SNTG1: variants seen among roughly 807,000 people sequenced by gnomAD.
SNTG1 encodes the protein syntrophin gamma 1.
A neutral mutation model predicts 74.7 loss-of-function variants in SNTG1; 39 were observed. That is an observed-to-expected ratio of 0.52 (90% confidence interval 0.40 to 0.68). SNTG1 has a LOEUF of 0.68. SNTG1 is among the 30% of genes least tolerant of loss of function. The probability of loss-of-function intolerance (pLI) is 0.00; values close to 1 mark genes in which losing one functional copy is unlikely to be tolerated. For missense variants in SNTG1, 685 were observed against 609.5 expected (o/e 1.12, Z -1.30); for synonymous variants, 254 against 217.1 (o/e 1.17, Z -1.49).
chr8:50,263,268 G>A lies in SNTG1; in HGVS notation c.-28+90633G>A, dbSNP rs151059619. On this transcript the variant is annotated intron_variant, in intron 2 of 18. Transcript: ENST00000642720. Reference sequence around the variant, plus strand: ...AACCTAAAATTACTTGAAAAATAAAGTCTTTAAAGAAGATATATATTTGAG... The same window carrying A: ...AACCTAAAATTACTTGAAAAATAAAATCTTTAAAGAAGATATATATTTGAG... Among the ~76,000 whole-genome samples the A allele has an allele frequency of 2.0e-3, 298 of 152,084 alleles. 1 individual carries two copies. Among genetic ancestry groups the A allele is most frequent in the African/African-American group, 6.9e-3 (286 of 41,470 alleles).
intron 18 of SNTG1, among the ~76,000 whole-genome samples, chr8:50,783,732 C>T (rs994431809): frequency 2.0e-5 from 3 of 152,178 alleles, no homozygotes; most frequent in African/African-American, 7.2e-5. Context: ...CTGGCACTCC[C>T]TAGTGAGATG....
intron 1 of SNTG1, among the ~76,000 whole-genome samples, chr8:49,991,580 T>C (rs1813693799): frequency 1.3e-5 from 2 of 152,126 alleles, no homozygotes; most frequent in African/African-American, 4.8e-5. Flanking sequence ...ATCTCTATAA[T>C]GGAAGAATAT....
intron 2 of SNTG1, among the ~76,000 whole-genome samples, chr8:50,205,606 A>C (rs959715071): frequency 2.0e-5 from 3 of 151,982 alleles, no homozygotes; most frequent in Non-Finnish European, 2.9e-5. Context: ...CTTTTGTTGC[A>C]ATTGCTTTTG....
At chr8:50,418,197 C>G (rs910060563) in intron 4 of SNTG1, among the ~76,000 whole-genome samples, 3 of 152,120 alleles carry the variant, frequency 2.0e-5, no homozygotes, top group African/African-American at 4.8e-5. Flanking sequence ...GTAATTCATC[C>G]CCACTACTCC....
chr8:50,016,445 T>C (rs1325499748), intron 1 of SNTG1, among the ~76,000 whole-genome samples: 1 of 152,166 alleles, frequency 6.6e-6, no homozygotes, highest in Non-Finnish European at 1.5e-5. Context: ...CAACTTCTTG[T>C]ATAGTTGTAA....
At chr8:50,490,770 C>G (rs1050603959) in intron 8 of SNTG1, 2 of 152,442 alleles carry the variant, frequency 1.3e-5, no homozygotes, top group African/African-American at 4.8e-5. Context: ...CCTCTATCCA[C>G]TTGACCTCGA....
At chr8:50,168,718 A>G (rs2082708274) in intron 1 of SNTG1, among the ~76,000 whole-genome samples, 1 of 152,198 alleles carries the variant, frequency 6.6e-6, no homozygotes, top group South Asian at 2.1e-4. Flanking sequence ...TTAAGAGATA[A>G]TACGAGTTGG....
At chr8:50,131,218 T>C (rs1221478731) in intron 1 of SNTG1, among the ~76,000 whole-genome samples, 1 of 152,068 alleles carries the variant, frequency 6.6e-6, no homozygotes, top group Non-Finnish European at 1.5e-5. Flanking sequence ...GCAAATGCAA[T>C]CAGGAAAGCA....
At chr8:49,980,983 T>C (rs1194704028) in intron 1 of SNTG1, among the ~76,000 whole-genome samples, 1 of 152,200 alleles carries the variant, frequency 6.6e-6, no homozygotes, top group Non-Finnish European at 1.5e-5. Flanking sequence ...TCTCTGTAAG[T>C]GCCCTTCTGA....
At chr8:50,524,289 C>T (rs2094203145) in intron 9 of SNTG1, among the ~76,000 whole-genome samples, 1 of 152,012 alleles carries the variant, frequency 6.6e-6, no homozygotes, top group African/African-American at 2.4e-5. Context: ...GTTAGTGTCT[C>T]TGTTGGGGAA....
chr8:50,265,527 T>G (rs956032214), intron 2 of SNTG1, among the ~76,000 whole-genome samples: 8 of 152,052 alleles, frequency 5.3e-5, no homozygotes, highest in Non-Finnish European at 1.0e-4. Flanking sequence ...TTCTTAATAA[T>G]GAAAAACCAA....
At chr8:50,211,305 T>C (rs6983498) in intron 2 of SNTG1, among the ~76,000 whole-genome samples, 65,450 of 151,994 alleles carry the variant, frequency 0.43, 17,837 homozygotes, top group African/African-American at 0.78. Flanking sequence ...AATGCACCCT[T>C]AGAAACAATA....
intron 1 of SNTG1, among the ~76,000 whole-genome samples, chr8:49,969,261 G>A (rs1478365424): frequency 6.6e-6 from 1 of 151,786 alleles, no homozygotes; most frequent in Non-Finnish European, 1.5e-5. Context: ...TAATAATTCA[G>A]AGAGAGGCAT....
intron 1 of SNTG1, among the ~76,000 whole-genome samples, chr8:49,943,624 G>A (rs1248834865): frequency 6.6e-6 from 1 of 152,174 alleles, no homozygotes; most frequent in African/African-American, 2.4e-5. Flanking sequence ...TTTAATCCTT[G>A]CCCTTCTGGC....
At chr8:50,223,229 C>A (rs1042465613) in intron 2 of SNTG1, among the ~76,000 whole-genome samples, 1 of 151,856 alleles carries the variant, frequency 6.6e-6, no homozygotes. Flanking sequence ...AATTAGATAT[C>A]GAGGAAAAGT....
intron 9 of SNTG1, among the ~76,000 whole-genome samples, chr8:50,524,708 T>C (rs1382632755): frequency 6.6e-6 from 1 of 152,150 alleles, no homozygotes. Context: ...TTGTATTTGG[T>C]ATTATATGCA....
intron 9 of SNTG1, among the ~76,000 whole-genome samples, chr8:50,519,936 A>T (rs1434496822): frequency 2.6e-5 from 4 of 152,150 alleles, no homozygotes; most frequent in African/African-American, 9.7e-5. Flanking sequence ...TTGAAAAAAA[A>T]CTACTTTAAA....
At chr8:50,536,855 A>G in intron 11 of SNTG1, 47 bp downstream of exon 11, 1 of 1,602,068 alleles carries the variant, frequency 6.2e-7, no homozygotes, top group Non-Finnish European at 8.5e-7. Flanking sequence ...ATGAAAAAAG[A>G]GACCTTTTAG....
intron 1 of SNTG1, among the ~76,000 whole-genome samples, chr8:49,968,840 A>T (rs1316339899): frequency 6.6e-6 from 1 of 152,146 alleles, no homozygotes; most frequent in Non-Finnish European, 1.5e-5. Context: ...AAAGGCAGAC[A>T]CATTCCGGAT....
Sources: gnomAD v4.1 joint callset for allele counts (sites outside exome capture counted in the v4.1 genomes callset) on GRCh38, gnomAD v4.1.1 for gene constraint, MANE v1.5 for transcripts, NCBI Gene and HGNC (gene_info 2026-07-23, HGNC 2026-07-21) for gene names.